Variants in TLN2 observed in about 807,000 individuals in gnomAD.
The protein encoded by TLN2 is talin-2.
In TLN2, 118 loss-of-function variants were observed where a neutral mutation model predicts 294.7. That is an observed-to-expected ratio of 0.40 (90% CI 0.34 to 0.47). The LOEUF (loss-of-function observed/expected upper bound fraction) is 0.47. TLN2 is among the 20% of genes least tolerant of loss of function. The pLI is 0.84. For missense variants in TLN2, 3,083 were observed against 3,282.2 expected (o/e 0.94, Z 1.48); for synonymous variants, 1,431 against 1,304.5 (o/e 1.10, Z -2.09).
chr15:62,404,110 A>G (rs8023299), intron 1 of TLN2, among the ~76,000 whole-genome samples: 20,261 of 152,232 alleles, frequency 0.13, 1,411 homozygotes, highest in Admixed American at 0.15. Context: ...AAGGAAGAGC[A>G]TAATGTTGAA....
intron 1 of TLN2, among the ~76,000 whole-genome samples, chr15:62,542,853 G>A (rs921783447): frequency 6.6e-5 from 10 of 151,986 alleles, no homozygotes; most frequent in African/African-American, 2.4e-4. Context: ...ATCAACCATA[G>A]AAGAGCCAGC....
intron 54 of TLN2, among the ~76,000 whole-genome samples, chr15:62,826,588 G>T (rs2068221656): frequency 6.6e-6 from 1 of 152,182 alleles, no homozygotes; most frequent in Non-Finnish European, 1.5e-5. Context: ...CCATCCATGG[G>T]TCCTCCAGAG....
intron 1 of TLN2, among the ~76,000 whole-genome samples, chr15:62,439,850 G>A (rs962148026): frequency 1.3e-5 from 2 of 152,124 alleles, no homozygotes; most frequent in Non-Finnish European, 2.9e-5. Flanking sequence ...GCAGTCAGAG[G>A]CCATTAATTA....
intron 48 of TLN2, among the ~76,000 whole-genome samples, 199 bp from the exon 49 acceptor site, chr15:62,800,169 C>T (rs1323924862): frequency 3.3e-5 from 5 of 152,212 alleles, no homozygotes; most frequent in Non-Finnish European, 5.9e-5. Context: ...TTCAGCCTCC[C>T]CTGGGCAGCT....
intron 11 of TLN2, among the ~76,000 whole-genome samples, chr15:62,679,030 C>CTTTTTTTTTTTTT (rs71131118): frequency 2.3e-5 from 3 of 132,400 alleles, no homozygotes; most frequent in Non-Finnish European, 1.7e-5. Context: ...TATACCAAGT[C>CTTTTTTTTTTTTT]TTTTTTTTTT....
chr15:62,477,135 C>T (rs528843719), intron 1 of TLN2, among the ~76,000 whole-genome samples: 1 of 152,268 alleles, frequency 6.6e-6, no homozygotes, highest in East Asian at 1.9e-4. Context: ...CAAGTAAAAG[C>T]CTAAGTAAAC....
chr15:62,728,611 A>G (rs1258814973), intron 28 of TLN2, among the ~76,000 whole-genome samples: 1 of 152,118 alleles, frequency 6.6e-6, no homozygotes, highest in Admixed American at 6.6e-5. Context: ...TTTGTGTGTA[A>G]TAGTATCACA....
chr15:62,424,684 TC>T (rs2034601099), intron 1 of TLN2, among the ~76,000 whole-genome samples: 1 of 152,042 alleles, frequency 6.6e-6, no homozygotes, highest in South Asian at 2.1e-4. Context: ...ATAGAGTCTT[TC>T]TCTGTCACCC....
At chr15:62,397,295 A>G (rs1389133714) in intron 1 of TLN2, among the ~76,000 whole-genome samples, 2 of 152,076 alleles carry the variant, frequency 1.3e-5, no homozygotes, top group African/African-American at 4.8e-5. Context: ...GGTCTCTCTG[A>G]TGCCCAGGCT....
rs1260917487 is a variant in TLN2 at position 62,761,666 on chromosome 15, G to A, written c.4639-15G>A. On this transcript the variant is annotated splice_polypyrimidine_tract_variant and intron_variant, in intron 37 of 58. Coordinates refer to ENST00000636159, the MANE Select transcript of TLN2 (RefSeq NM_015059.3). ...CTTCTCAATTGGGCAGAATCTCCCT[G>A]TTTTCTCCCATCAGGCCCTGGATGG... The A allele has an allele frequency of 1.9e-6, 3 of 1,614,104 alleles. No individual in the cohort carries two copies. Among genetic ancestry groups the A allele is most frequent in the Non-Finnish European group, 2.5e-6 (3 of 1,180,008 alleles).
chr15:62,805,492 GT>G (rs1463260208), intron 50 of TLN2, 107 bp from the exon 51 acceptor site: 61 of 1,215,166 alleles, frequency 5.0e-5, no homozygotes, highest in Non-Finnish European at 6.7e-5. Context: ...GTTTCTTCCA[GT>G]TACTGGCTCA....
At chr15:62,795,306 G>C (rs997022509) in intron 46 of TLN2, among the ~76,000 whole-genome samples, 3 of 152,192 alleles carry the variant, frequency 2.0e-5, no homozygotes, top group African/African-American at 7.2e-5. Context: ...GAGCTGGCGG[G>C]TGTGGTGAGA....
At chr15:62,479,260 T>G (rs1036552059) in intron 1 of TLN2, among the ~76,000 whole-genome samples, 3 of 152,208 alleles carry the variant, frequency 2.0e-5, no homozygotes, top group African/African-American at 7.2e-5. Context: ...CATCAAGGAC[T>G]GGTACCCTCT....
intron 1 of TLN2, among the ~76,000 whole-genome samples, chr15:62,469,689 C>T (rs1055353189): frequency 5.3e-5 from 8 of 152,310 alleles, no homozygotes; most frequent in African/African-American, 1.7e-4. Context: ...CACCCACAAG[C>T]ACCCTTAAAG....
chr15:62,615,289 G>A (rs2140837084), intron 2 of TLN2, among the ~76,000 whole-genome samples: 1 of 152,300 alleles, frequency 6.6e-6, no homozygotes, highest in East Asian at 1.9e-4. Flanking sequence ...AGTTTTCATA[G>A]GAACAGCAAC....
intron 1 of TLN2, among the ~76,000 whole-genome samples, chr15:62,542,955 G>T (rs747382921): frequency 2.0e-5 from 3 of 152,132 alleles, no homozygotes; most frequent in Non-Finnish European, 2.9e-5. Context: ...AGTCATTGTG[G>T]CCAGAGAAAT....
At chr15:62,781,506 A>C (rs2064165949) in intron 44 of TLN2, among the ~76,000 whole-genome samples, 1 of 152,214 alleles carries the variant, frequency 6.6e-6, no homozygotes, top group African/African-American at 2.4e-5. Context: ...ACAGAGGAGC[A>C]AAGGAAGGAG....
chr15:62,464,382 T>C (rs1397097774), intron 1 of TLN2, among the ~76,000 whole-genome samples: 2 of 151,972 alleles, frequency 1.3e-5, no homozygotes, highest in Non-Finnish European at 2.9e-5. Context: ...ATGAGAACAC[T>C]TGGACACAGG....
At chr15:62,771,710 T>G (rs530631252) in intron 42 of TLN2, among the ~76,000 whole-genome samples, 1 of 152,334 alleles carries the variant, frequency 6.6e-6, no homozygotes, top group South Asian at 2.1e-4. Context: ...GTAGATTTAT[T>G]AAAGGGTCAT....
Sources: gnomAD v4.1 joint callset for allele counts (sites outside exome capture counted in the v4.1 genomes callset) on GRCh38, gnomAD v4.1.1 for gene constraint, MANE v1.5 for transcripts, NCBI Gene and HGNC (gene_info 2026-07-23, HGNC 2026-07-21) for gene names.